Variants in CFAP299 observed in about 807,000 individuals in gnomAD.
CFAP299 encodes the protein cilia and flagella associated protein 299.
Under a neutral mutation model 27.0 loss-of-function variants are expected in CFAP299, and 21 were observed. That is an observed-to-expected ratio of 0.78 (90% confidence interval 0.55 to 1.12). The LOEUF (loss-of-function observed/expected upper bound fraction) is 1.12. CFAP299 is among the 50% of genes most tolerant of loss of function. The pLI, the probability that CFAP299 is intolerant of heterozygous loss-of-function variation, is 0.00. For synonymous variants in CFAP299, 104 were observed against 98.1 expected, an observed-to-expected ratio of 1.06 and a Z score of -0.36; for missense variants, 310 against 276.6, an observed-to-expected ratio of 1.12 and a Z score of -0.86.
chr4:80,356,928 A>G (rs1202248078), intron 1 of CFAP299, among the ~76,000 whole-genome samples: 1 of 152,090 alleles, frequency 6.6e-6, no homozygotes, highest in African/African-American at 2.4e-5. Flanking sequence ...TTCAAGGGGT[A>G]TGCTTCCAGC....
At chr4:80,544,172 A>G (rs1435069844) in intron 2 of CFAP299, among the ~76,000 whole-genome samples, 2 of 152,174 alleles carry the variant, frequency 1.3e-5, no homozygotes, top group African/African-American at 4.8e-5. Flanking sequence ...ATTTGTTACC[A>G]CTACACCTGC....
intron 2 of CFAP299, among the ~76,000 whole-genome samples, chr4:80,472,275 G>A (rs1381672840): frequency 6.6e-6 from 1 of 152,142 alleles, no homozygotes; most frequent in East Asian, 1.9e-4. Flanking sequence ...GGGGAGGAGA[G>A]TAATGGTATT....
At chr4:80,365,179 AAACAATGGTTG>A (rs1723763320) in intron 2 of CFAP299, among the ~76,000 whole-genome samples, 1 of 152,118 alleles carries the variant, frequency 6.6e-6, no homozygotes, top group South Asian at 2.1e-4. Flanking sequence ...AAGAATTGGC[AAACAATGGTTG>A]AATAATTTAC....
At chr4:80,413,268 C>G (rs1726821642) in intron 2 of CFAP299, among the ~76,000 whole-genome samples, 1 of 152,214 alleles carries the variant, frequency 6.6e-6, no homozygotes, top group Admixed American at 6.5e-5. Context: ...ATGGTGCTGG[C>G]TGTGGCTTTG....
intron 3 of CFAP299, among the ~76,000 whole-genome samples, chr4:80,695,240 A>G (rs1354301598): frequency 6.6e-6 from 1 of 152,202 alleles, no homozygotes; most frequent in Non-Finnish European, 1.5e-5. Context: ...GGATACTTCT[A>G]GATATACTAG....
chr4:80,508,184 CTA>C (rs1251654219), intron 2 of CFAP299, among the ~76,000 whole-genome samples: 1 of 152,104 alleles, frequency 6.6e-6, no homozygotes, highest in African/African-American at 2.4e-5. Flanking sequence ...CCGAAATCTG[CTA>C]TGTTTTTGAT....
chr4:80,569,498 G>C (rs1460500538), intron 2 of CFAP299, among the ~76,000 whole-genome samples: 3 of 151,900 alleles, frequency 2.0e-5, no homozygotes, highest in African/African-American at 4.8e-5. Flanking sequence ...TTAGTGTGAG[G>C]TTTGGTTTGT....
chr4:80,815,137 C>G (rs1425353131), intron 3 of CFAP299, among the ~76,000 whole-genome samples: 1 of 151,552 alleles, frequency 6.6e-6, no homozygotes, highest in Non-Finnish European at 1.5e-5. Flanking sequence ...ACAAAAAAGA[C>G]ATGGAGATGG....
rs182153015 is a variant in CFAP299, at chr4:80,355,749, T to A, written c.112-7005T>A. ...TCTCCTATTCTGCTTAGGCTGTCTG[T>A]TCACTCTGATGATAGTTTTTTCTCC... On this transcript the variant is annotated intron_variant, in intron 1 of 5. Transcript: ENST00000358105. Among the ~76,000 whole-genome samples the A allele has an allele frequency of 6.6e-5, 10 of 152,316 alleles. No homozygotes were observed. The East Asian group carries it at 1.7e-3, about 26-fold the overall frequency.
At chr4:80,886,692 T>A (rs891029988) in intron 4 of CFAP299, among the ~76,000 whole-genome samples, 6 of 151,962 alleles carry the variant, frequency 3.9e-5, no homozygotes, top group Non-Finnish European at 7.4e-5. Flanking sequence ...TCTACAAGCA[T>A]CAAACCATCC....
At chr4:80,551,888 A>G (rs932273210) in intron 2 of CFAP299, among the ~76,000 whole-genome samples, 3 of 152,040 alleles carry the variant, frequency 2.0e-5, no homozygotes, top group African/African-American at 4.8e-5. Flanking sequence ...AGCTGGGACT[A>G]CAGGCACGTG....
At chr4:80,961,849 C>T (rs1344370672) in intron 5 of CFAP299, among the ~76,000 whole-genome samples, 1 of 151,920 alleles carries the variant, frequency 6.6e-6, no homozygotes, top group Admixed American at 6.6e-5. Context: ...TTGTCTGTCA[C>T]ACAAGGGGAA....
At chr4:80,794,727 T>G (rs1727755181) in intron 3 of CFAP299, among the ~76,000 whole-genome samples, 1 of 152,198 alleles carries the variant, frequency 6.6e-6, no homozygotes, top group Non-Finnish European at 1.5e-5. Context: ...TATGGTAGTC[T>G]TGGCAGAAGC....
At chr4:80,763,053 T>C (rs180782479) in intron 3 of CFAP299, among the ~76,000 whole-genome samples, 1 of 152,270 alleles carries the variant, frequency 6.6e-6, no homozygotes, top group East Asian at 1.9e-4. Context: ...GCAAACTCAG[T>C]CTATGATATG....
At chr4:80,370,331 A>G (rs1014137562) in intron 2 of CFAP299, among the ~76,000 whole-genome samples, 2 of 152,082 alleles carry the variant, frequency 1.3e-5, no homozygotes, top group African/African-American at 4.8e-5. Context: ...ACAGATTCAA[A>G]CCATATTATT....
At chr4:80,597,362 T>C (rs1464557025) in intron 3 of CFAP299, among the ~76,000 whole-genome samples, 1 of 152,204 alleles carries the variant, frequency 6.6e-6, no homozygotes, top group Non-Finnish European at 1.5e-5. Flanking sequence ...TAATATCCTT[T>C]TCTGAAAAGC....
At chr4:80,647,701 T>C (rs148902043) in intron 3 of CFAP299, among the ~76,000 whole-genome samples, 1 of 149,066 alleles carries the variant, frequency 6.7e-6, no homozygotes, top group South Asian at 2.1e-4. Flanking sequence ...TTGTTCTTTT[T>C]ATTTATTAAA....
chr4:80,839,717 A>G (rs1560438175), intron 3 of CFAP299, among the ~76,000 whole-genome samples: 1 of 152,062 alleles, frequency 6.6e-6, no homozygotes, highest in Admixed American at 6.6e-5. Flanking sequence ...AGAATTTGCA[A>G]GGGGACAAAC....
intron 2 of CFAP299, among the ~76,000 whole-genome samples, chr4:80,411,415 T>C (rs1726713882): frequency 6.6e-6 from 1 of 152,142 alleles, no homozygotes. Flanking sequence ...AGTCTTTGTA[T>C]TTCAAGTAAA....
Sources: allele counts gnomAD v4.1 joint callset (sites outside exome capture counted in the v4.1 genomes callset), GRCh38; gene constraint gnomAD v4.1.1; transcripts MANE v1.5; gene names NCBI Gene and HGNC (gene_info 2026-07-23, HGNC 2026-07-21).